LMAN2L: variants seen among roughly 807,000 people sequenced by gnomAD.
The protein encoded by LMAN2L is VIP36-like protein.
LMAN2L carries 30 observed loss-of-function variants against 44.3 expected under a neutral mutation model. That is an observed-to-expected ratio of 0.68 (90% CI 0.51 to 0.92). The LOEUF (loss-of-function observed/expected upper bound fraction) is 0.92, where lower values mean the gene tolerates loss of function less well. Ranked by LOEUF, LMAN2L falls within the 40% of genes least tolerant of loss-of-function variation. The pLI, the probability that LMAN2L is intolerant of heterozygous loss-of-function variation, is 0.00. For missense variants in LMAN2L, 429 were observed against 446.1 expected, an observed-to-expected ratio of 0.96 and a Z score of 0.35; for synonymous variants, 183 against 171.1, an observed-to-expected ratio of 1.07 and a Z score of -0.54.
intron 4 of LMAN2L, among the ~76,000 whole-genome samples, chr2:96,727,872 A>T (rs996445004): frequency 6.6e-6 from 1 of 152,206 alleles, no homozygotes; most frequent in African/African-American, 2.4e-5. Context: ...TAATAAAGCA[A>T]TAATAATCAG....
At chr2:96,711,232 C>T (rs1396496572) in intron 6 of LMAN2L, among the ~76,000 whole-genome samples, 1 of 152,142 alleles carries the variant, frequency 6.6e-6, no homozygotes, top group Non-Finnish European at 1.5e-5. Flanking sequence ...AGGATCTGTA[C>T]ACACAACACA....
chr2:96,731,836 G>A (rs958776070), intron 4 of LMAN2L, among the ~76,000 whole-genome samples: 3 of 150,260 alleles, frequency 2.0e-5, no homozygotes, highest in South Asian at 4.2e-4. Context: ...TGCAACCTCC[G>A]CCTCCTGGGT....
At chr2:96,718,274 TA>T (rs2078082106) in intron 4 of LMAN2L, among the ~76,000 whole-genome samples, 1 of 152,210 alleles carries the variant, frequency 6.6e-6, no homozygotes, top group South Asian at 2.1e-4. Flanking sequence ...TCTTATAACT[TA>T]ATCATAAGCA....
rs900328520 is a variant in LMAN2L, at chr2:96,721,909, G to A, written c.508-9884C>T. Among the ~76,000 whole-genome samples the A allele has an allele frequency of 1.5e-4, 23 of 152,232 alleles. 1 individual carries two copies. The South Asian group carries it at 2.3e-3, about 15-fold the overall frequency. On this transcript the variant is annotated intron_variant, in intron 4 of 7. Coordinates refer to ENST00000264963, the MANE Select transcript of LMAN2L (RefSeq NM_030805.4). ...CTGGAAGACAATTTTTCCATGAACC[G>A]GGGAGTTGGAGGGGGGGTGGTTTCG... is the stretch of plus-strand genomic sequence containing the variant.
chr2:96,730,789 C>G (rs2153333427), intron 4 of LMAN2L, among the ~76,000 whole-genome samples: 1 of 152,340 alleles, frequency 6.6e-6, no homozygotes, highest in East Asian at 1.9e-4. Flanking sequence ...ATTCTCCTGC[C>G]TCAGCCTCCT....
chr2:96,718,438 T>A (rs772921084), intron 4 of LMAN2L, among the ~76,000 whole-genome samples: 6 of 152,248 alleles, frequency 3.9e-5, no homozygotes, highest in Non-Finnish European at 7.3e-5. Context: ...TCTTTGTTTT[T>A]AAAGATGTTT....
rs1228302424 is a variant in LMAN2L at position 96,711,703 on chromosome 2, G to A, written c.737C>T (p.Pro246Leu). The A allele has an allele frequency of 6.2e-7, 1 of 1,613,952 alleles. No homozygotes were observed. The highest frequency in any genetic ancestry group is 8.5e-7 in the Non-Finnish European group (1 of 1,179,998). Residue 246 changes from proline (P) to leucine (L), a missense_variant, in exon 6 of 8, where the codon CCC (proline) becomes CTC (leucine). Physicochemically the swap from Pro to Leu is moderately conservative, Grantham distance 98 (BLOSUM62 -3). Coordinates refer to ENST00000264963, the MANE Select transcript of LMAN2L (RefSeq NM_030805.4). Reference protein sequence around the residue: ...DCIEVPGVRLPRGYYFGTSSI... With the variant: ...DCIEVPGVRLLRGYYFGTSSI... ...GGAGGTGCCGAAGTAGTAGCCGCGGGGCAGGCGGACTCCGGGCACTTCAAT... is the reference window on the plus strand; with the variant it reads ...GGAGGTGCCGAAGTAGTAGCCGCGGAGCAGGCGGACTCCGGGCACTTCAAT...
At chr2:96,708,605 G>A (rs1330374226) in intron 6 of LMAN2L, among the ~76,000 whole-genome samples, 2 of 152,138 alleles carry the variant, frequency 1.3e-5, no homozygotes, top group Non-Finnish European at 2.9e-5. Flanking sequence ...AGACAAAGTA[G>A]GACTGCAGCT....
In LMAN2L at chr2:96,729,548, G is replaced by A. The variant is rs142475135; in HGVS notation, c.507+3971C>T. Among the ~76,000 whole-genome samples, 563 of 149,452 alleles carry A rather than the reference G, an allele frequency of 3.8e-3. 3 individuals carry two copies. Among genetic ancestry groups the A allele is most frequent in the African/African-American group, 0.012 (492 of 40,416 alleles). ...TTTGAGACAGAGTCTTGCTCTTGTC[G>A]CCCAGGCTGGAGTGCAAGGGCATGA... On this transcript the variant is annotated intron_variant, in intron 4 of 7. Coordinates refer to ENST00000264963, the MANE Select transcript of LMAN2L (RefSeq NM_030805.4).
chr2:96,726,426 C>A (rs921548749), intron 4 of LMAN2L, among the ~76,000 whole-genome samples: 14 of 151,986 alleles, frequency 9.2e-5, no homozygotes, highest in African/African-American at 3.4e-4. Flanking sequence ...GAGTGAATAT[C>A]CTCATTTTAT....
chr2:96,723,440 A>T (rs1395090063), intron 4 of LMAN2L, among the ~76,000 whole-genome samples: 1 of 152,222 alleles, frequency 6.6e-6, no homozygotes, highest in Non-Finnish European at 1.5e-5. Flanking sequence ...ATCTCTAATA[A>T]GATATGATTT....
intron 6 of LMAN2L, among the ~76,000 whole-genome samples, chr2:96,708,187 G>A (rs1322587495): frequency 6.6e-6 from 1 of 152,230 alleles, no homozygotes; most frequent in African/African-American, 2.4e-5. Flanking sequence ...CTAGCGATGT[G>A]TAGTACAACA....
chr2:96,710,285 T>C (rs979005192), intron 6 of LMAN2L, among the ~76,000 whole-genome samples: 1 of 152,188 alleles, frequency 6.6e-6, no homozygotes, highest in Non-Finnish European at 1.5e-5. Flanking sequence ...ACTGTATTCT[T>C]CTGTTGTATG....
chr2:96,718,338 T>C (rs948885991), intron 4 of LMAN2L, among the ~76,000 whole-genome samples: 1 of 152,226 alleles, frequency 6.6e-6, no homozygotes, highest in Admixed American at 6.5e-5. Flanking sequence ...ACCATACAAT[T>C]TTTCTGCTTT....
chr2:96,734,819 T>A, intron 2 of LMAN2L: 1 of 370,298 alleles, frequency 2.7e-6, no homozygotes, highest in East Asian at 5.3e-5. Context: ...TGTACCAAAC[T>A]CCACTCCTGT....
intron 6 of LMAN2L, among the ~76,000 whole-genome samples, chr2:96,709,990 T>C (rs2077877520): frequency 6.6e-6 from 1 of 152,222 alleles, no homozygotes; most frequent in African/African-American, 2.4e-5. Context: ...GGAAAATGTG[T>C]AGTCATATAA....
chr2:96,739,964 A>G lies in LMAN2L; in HGVS notation c.77T>C (p.Met26Thr). The change falls in exon 1 of 8, where the codon ATG becomes ACG. Residue 26 changes from methionine to threonine, a missense_variant. By Grantham distance (81) the Met-to-Thr change is moderately conservative. Coordinates refer to ENST00000264963, the MANE Select transcript of LMAN2L (RefSeq NM_030805.4). ...CCCCAACAAAAGAAGAAGGAGTAACATCCTGGACCCATCCCGAGCCGACAA... is the reference window on the plus strand; with the variant it reads ...CCCCAACAAAAGAAGAAGGAGTAACGTCCTGGACCCATCCCGAGCCGACAA... Reference protein sequence around the residue: ...RCLSARDGSRMLLLLLLLGSG... With the variant: ...RCLSARDGSRTLLLLLLLGSG... 6.2e-7 allele frequency: 1 copy of G among 1,613,932 alleles called. No homozygotes were observed. The highest frequency in any genetic ancestry group is 2.2e-5 in the East Asian group (1 of 44,864).
chr2:96,718,388 A>C lies in LMAN2L; in HGVS notation c.508-6363T>G, dbSNP rs972167741. On this transcript the variant is annotated intron_variant, in intron 4 of 7. Transcript: ENST00000264963. The stretch of plus-strand genomic sequence containing the variant: ...TATATCTGCAATTTTTTAAACATTT[A>C]AAAAGGTTTTAAAAACAGTATTTAC... Among the ~76,000 whole-genome samples, 8 of 152,348 alleles carry C rather than the reference A, an allele frequency of 5.3e-5. 1 individual carries two copies. Among genetic ancestry groups the C allele is most frequent in the African/African-American group, 1.7e-4 (7 of 41,576 alleles).
Position 96,711,629 on chromosome 2 carries a change from G to GA in LMAN2L, c.784+26_784+27insT, listed in dbSNP as rs1373379423. 3.7e-5 allele frequency: 55 copies of GA among 1,505,164 alleles called. No individual in the cohort carries two copies. The East Asian group carries it at 9.5e-4, about 26-fold the overall frequency. The allele number at this position is 1,505,164 out of a possible 1,614,324, so 93.2% of individuals were successfully genotyped here. On this transcript the variant is annotated intron_variant, in intron 6 of 7. Transcript: ENST00000264963. ...GTATTGAGAAGAGGCCTCAGTCAGG[G>GA]CAAACCAAGAGTGCGCGTGGCAGTA...
Sources: allele counts gnomAD v4.1 joint callset (sites outside exome capture counted in the v4.1 genomes callset), GRCh38; gene constraint gnomAD v4.1.1; transcripts MANE v1.5; gene names NCBI Gene and HGNC (gene_info 2026-07-23, HGNC 2026-07-21).